The following PDE10A variants were observed in gnomAD, a reference collection of about 807,000 sequenced individuals.
PDE10A encodes phosphodiesterase 10A.
A neutral mutation model predicts 97.7 loss-of-function variants in PDE10A; 39 were observed. That is an observed-to-expected ratio of 0.40 (90% CI 0.31 to 0.52). PDE10A has a LOEUF of 0.52. PDE10A is among the 20% of genes least tolerant of loss of function. The pLI is 0.56. For missense variants in PDE10A, 731 were observed against 1,047.8 expected, an observed-to-expected ratio of 0.70 and a Z score of 4.17; for synonymous variants, 371 against 376.8, an observed-to-expected ratio of 0.98 and a Z score of 0.18.
chr6:165,524,663 C>T (rs909425915), intron 2 of PDE10A, among the ~76,000 whole-genome samples: 2 of 43,378 alleles, frequency 4.6e-5, no homozygotes, highest in Non-Finnish European at 1.2e-4. Context: ...TAAGATTGCC[C>T]TGAGTCAGTC....
chr6:165,582,074 A>G (rs1220712339), intron 1 of PDE10A, among the ~76,000 whole-genome samples: 1 of 152,240 alleles, frequency 6.6e-6, no homozygotes, highest in African/African-American at 2.4e-5. Flanking sequence ...TTACTTAAGC[A>G]GGTAGACAAT....
chr6:165,964,244 A>C (rs558768471), intron 1 of PDE10A, among the ~76,000 whole-genome samples: 1 of 152,326 alleles, frequency 6.6e-6, no homozygotes, highest in Admixed American at 6.5e-5. Flanking sequence ...AAGCAGCTGC[A>C]GCTTAGCATC....
chr6:165,896,746 G>A (rs1484503443), intron 1 of PDE10A, among the ~76,000 whole-genome samples: 4 of 151,938 alleles, frequency 2.6e-5, no homozygotes, highest in African/African-American at 9.7e-5. Flanking sequence ...GGATGGTCTC[G>A]ACCTCCTGAC....
upstream of PDE10A, among the ~76,000 whole-genome samples, chr6:165,664,277 T>C (rs1790438603): frequency 6.6e-6 from 1 of 152,292 alleles, no homozygotes; most frequent in African/African-American, 2.4e-5. Context: ...TTCTTCTTTC[T>C]ATCCAGTTTC....
At chr6:165,425,770 C>CATGTGTGTGTGTGTGTGTGTGTGTGTGT (rs112669910) in intron 10 of PDE10A, among the ~76,000 whole-genome samples, 4 of 144,132 alleles carry the variant, frequency 2.8e-5, no homozygotes, top group African/African-American at 7.8e-5. Context: ...AAGGCATGAT[C>CATGTGTGTGTGTGTGTGTGTGTGTGTGT]GTGTGTGTGT....
intron 1 of PDE10A, among the ~76,000 whole-genome samples, chr6:165,750,831 A>T (rs1030524381): frequency 2.2e-4 from 34 of 152,194 alleles, no homozygotes; most frequent in African/African-American, 8.2e-4. Context: ...TGTGAGGAGC[A>T]TGGAGAAACA....
intron 1 of PDE10A, among the ~76,000 whole-genome samples, chr6:165,855,415 C>T (rs1221081081): frequency 6.6e-6 from 1 of 151,246 alleles, no homozygotes; most frequent in African/African-American, 2.4e-5. Flanking sequence ...TCTGCCCAGA[C>T]ATGGCCGGGG....
At chr6:165,727,085 G>A (rs983598432) in intron 1 of PDE10A, among the ~76,000 whole-genome samples, 10 of 152,160 alleles carry the variant, frequency 6.6e-5, no homozygotes, top group Non-Finnish European at 1.3e-4. Flanking sequence ...CCCAGAATCT[G>A]CGCGTGGGCT....
intron 1 of PDE10A, among the ~76,000 whole-genome samples, chr6:165,720,184 G>A (rs1404926688): frequency 1.3e-5 from 2 of 152,198 alleles, no homozygotes; most frequent in Admixed American, 1.3e-4. Flanking sequence ...TCAGAGGGAT[G>A]GGGAGAGGGG....
At chr6:165,968,010 C>T (rs535813027) in intron 1 of PDE10A, among the ~76,000 whole-genome samples, 5 of 152,292 alleles carry the variant, frequency 3.3e-5, no homozygotes, top group African/African-American at 1.2e-4. Context: ...TGAAGCATCA[C>T]ACAGAAAGAT....
intron 1 of PDE10A, among the ~76,000 whole-genome samples, chr6:165,623,271 A>G (rs1788231275): frequency 6.6e-6 from 1 of 152,176 alleles, no homozygotes; most frequent in South Asian, 2.1e-4. Context: ...GATTACAGGC[A>G]CCGGCCACCA....
intron 1 of PDE10A, among the ~76,000 whole-genome samples, chr6:165,893,275 C>T (rs1290044578): frequency 6.6e-6 from 1 of 152,198 alleles, no homozygotes; most frequent in Non-Finnish European, 1.5e-5. Flanking sequence ...TTGCCCCTCG[C>T]CCTGCGAATG....
intron 3 of PDE10A, among the ~76,000 whole-genome samples, chr6:165,471,530 A>G (rs113941882): frequency 1.2e-3 from 178 of 152,146 alleles, no homozygotes; most frequent in African/African-American, 3.8e-3. Context: ...AGCACATCCA[A>G]AACTGATTGT....
At chr6:165,769,388 T>C (rs1203418159) in intron 1 of PDE10A, among the ~76,000 whole-genome samples, 1 of 152,208 alleles carries the variant, frequency 6.6e-6, no homozygotes, top group Non-Finnish European at 1.5e-5. Context: ...ACAGGAACTA[T>C]AGAGTAGGTA....
At chr6:165,497,131 T>C (rs1780583646) in intron 2 of PDE10A, among the ~76,000 whole-genome samples, 1 of 152,130 alleles carries the variant, frequency 6.6e-6, no homozygotes, top group Non-Finnish European at 1.5e-5. Context: ...TCACAAGCCA[T>C]ATCAAAAAAA....
chr6:165,771,205 A>G (rs1236223072), intron 1 of PDE10A, among the ~76,000 whole-genome samples: 2 of 152,222 alleles, frequency 1.3e-5, no homozygotes, highest in East Asian at 3.9e-4. Context: ...CGTGGGCGCT[A>G]TGGAATTATA....
Position 165,418,449 on chromosome 6 carries a change from GT to G in PDE10A, c.1796+185del, listed in dbSNP as rs1788473026. Among the ~76,000 whole-genome samples the G allele has an allele frequency of 6.6e-6, 1 of 152,152 alleles. No individual in the cohort carries two copies. Among genetic ancestry groups the G allele is most frequent in the Non-Finnish European group, 1.5e-5 (1 of 68,030 alleles). ...GTGACGCTAAGGCTTCCTAGGCGCGGTTTCTCGGGCACTGCCTGCAATGTCA... is the reference window on the plus strand; with the variant it reads ...GTGACGCTAAGGCTTCCTAGGCGCGGTTCTCGGGCACTGCCTGCAATGTCA... On this transcript the variant is annotated intron_variant, in intron 11 of 21. Coordinates refer to ENST00000539869, the MANE Select transcript of PDE10A (RefSeq NM_001385079.1). The surrounding 1 kb of genome is among the most constrained non-coding windows in gnomAD (Gnocchi z 4.8).
Position 165,987,673 on chromosome 6 carries a change from G to T in PDE10A, c.-759C>A, listed in dbSNP as rs1439014410. ...GGTCCAGGGTTCCATGGAGAACTGC[G>T]CAAAGCAAGTTGCCAAGAAAGCCCG... is the stretch of plus-strand genomic sequence containing the variant. On this transcript the variant is annotated 5_prime_UTR_variant, in exon 1 of 20. Coordinates refer to the PDE10A transcript ENST00000366882. The T allele has an allele frequency of 1.1e-5, 5 of 456,768 alleles. No homozygotes were observed. The East Asian group carries it at 2.1e-4, about 19-fold the overall frequency. 28.3% of individuals were successfully genotyped at this position (456,768 alleles called of 1,614,324 possible).
intron 1 of PDE10A, among the ~76,000 whole-genome samples, chr6:165,748,226 T>C (rs923681195): frequency 1.3e-5 from 2 of 152,228 alleles, no homozygotes; most frequent in African/African-American, 4.8e-5. Flanking sequence ...TAGCATTTCA[T>C]GTCAATTCCT....
Sources: gnomAD v4.1 joint callset for allele counts (sites outside exome capture counted in the v4.1 genomes callset) on GRCh38, gnomAD v4.1.1 for gene constraint, Gnocchi (gnomAD v3.1) non-coding constraint, MANE v1.5 for transcripts, NCBI Gene and HGNC (gene_info 2026-07-23, HGNC 2026-07-21) for gene names.